CP: variants seen among roughly 807,000 people sequenced by gnomAD.
The protein encoded by CP is ceruloplasmin.
CP carries 64 observed loss-of-function variants against 122.4 expected under a neutral mutation model. The ratio of observed to expected loss-of-function variants is 0.52; its 90% CI spans 0.43 to 0.64. The LOEUF (loss-of-function observed/expected upper bound fraction) is 0.64, where lower values mean the gene tolerates loss of function less well. Among genes scored for constraint, CP ranks in the 30% least tolerant of loss-of-function variants. The pLI, the probability that CP is intolerant of heterozygous loss-of-function variation, is 0.00. For missense variants in CP, 1,167 were observed against 1,284.4 expected, an observed-to-expected ratio of 0.91 and a Z score of 1.40; for synonymous variants, 440 against 436.4, an observed-to-expected ratio of 1.01 and a Z score of -0.10.
chr3:149,212,659 T>G lies in CP; in HGVS notation c.186A>C (p.Arg62Ser). The stretch of plus-strand genomic sequence containing the variant: ...GGGCCTTCTTATATAGTCTCCCAAT[T>G]CTATCTGGGCCATTTTGAAGATAGA... ...SNIYLQNGPD[R>S]IGRLYKKALY... is the part of the protein sequence containing the mutation. Residue 62 changes from arginine to serine, a missense_variant, in exon 2 of 19, where the codon AGA becomes AGC. Around this residue, in one of 2 missense-constraint regions of CP, gnomAD observed 642 missense variants for 627.3 expected, o/e 1.02. Coordinates refer to ENST00000264613, the MANE Select transcript of CP (RefSeq NM_000096.4). The G allele has an allele frequency of 2.5e-6, 4 of 1,613,872 alleles. No individual in the cohort carries two copies. The highest frequency in any genetic ancestry group is 3.4e-6 in the Non-Finnish European group (4 of 1,179,944).
chr3:149,178,295 A>G (rs1219361082), intron 16 of CP, 120 bp downstream of exon 16: 2 of 780,138 alleles, frequency 2.6e-6, no homozygotes, highest in Non-Finnish European at 4.2e-6. Context: ...CCTGACATAC[A>G]AAGTGAGGCA....
At chr3:149,203,556 G>A (rs188900440) in intron 6 of CP, among the ~76,000 whole-genome samples, 64 of 152,326 alleles carry the variant, frequency 4.2e-4, no homozygotes, top group Non-Finnish European at 5.9e-5. Flanking sequence ...GAGCCACGGC[G>A]CTTGGCCAGG....
At chr3:149,177,641 T>G in intron 17 of CP, 199 bp downstream of exon 17, 1 of 643,010 alleles carries the variant, frequency 1.6e-6, no homozygotes, top group Non-Finnish European at 2.7e-6. Flanking sequence ...AAGTTTTGCT[T>G]TTTGGAACTT....
At chr3:149,199,673 T>TTG (rs757181223) in intron 8 of CP, 39 bp downstream of exon 8, 22 of 1,612,716 alleles carry the variant, frequency 1.4e-5, no homozygotes, top group African/African-American at 2.7e-5. Context: ...AGTGGGTTAT[T>TTG]AAACATTGTT....
Position 149,205,500 on chromosome 3 carries a change from A to T in CP, c.1208+668T>A, listed in dbSNP as rs149995896. Among the ~76,000 whole-genome samples the T allele has an allele frequency of 5.6e-4, 85 of 152,172 alleles. No homozygotes were observed. The East Asian group carries it at 0.012, about 21-fold the overall frequency. On this transcript the variant is annotated intron_variant, in intron 6 of 18. Transcript: ENST00000264613. Reference sequence around the variant, plus strand: ...AAAGGTGGAAATGACCCAAATGTTTATCAACAGATGAATGAATAAACAAAA... The same window carrying T: ...AAAGGTGGAAATGACCCAAATGTTTTTCAACAGATGAATGAATAAACAAAA...
At chr3:149,203,690 C>T (rs1005396371) in intron 6 of CP, among the ~76,000 whole-genome samples, 6 of 152,232 alleles carry the variant, frequency 3.9e-5, no homozygotes. Flanking sequence ...AAAGCCACCT[C>T]ATTCATCATT....
chr3:149,205,828 C>T (rs898623927), intron 6 of CP, among the ~76,000 whole-genome samples: 2 of 152,090 alleles, frequency 1.3e-5, no homozygotes, highest in African/African-American at 2.4e-5. Context: ...ATAGTGGTGA[C>T]GGCTATGCAA....
chr3:149,167,220 G>A lies in CP; in HGVS notation c.587-1170C>T, dbSNP rs765524486. 6 of 1,613,176 alleles carry A rather than the reference G, an allele frequency of 3.7e-6. No homozygotes were observed. In the South Asian group the frequency reaches 5.5e-5, roughly 15 times the overall value. ...GGCAGTCATTCCATATGCTAATCATGAACTGAAAGAAGAGAACCGGGTATG... is the reference window on the plus strand; with the variant it reads ...GGCAGTCATTCCATATGCTAATCATAAACTGAAAGAAGAGAACCGGGTATG... On this transcript the variant is annotated intron_variant, in intron 4 of 5. Coordinates refer to the CP transcript ENST00000479771.
intron 18 of CP, among the ~76,000 whole-genome samples, chr3:149,174,194 T>C (rs1465468055): frequency 2.6e-5 from 4 of 152,190 alleles, no homozygotes; most frequent in Admixed American, 1.3e-4. Flanking sequence ...TAAGGAATTA[T>C]TCAGAGTAAA....
rs145973629 is a variant in CP at position 149,212,595 on chromosome 3, T to C, written c.250A>G (p.Ile84Val). 1.9e-6 allele frequency: 3 copies of C among 1,613,972 alleles called. No individual in the cohort carries two copies. Among genetic ancestry groups the C allele is most frequent in the African/African-American group, 2.7e-5 (2 of 74,924 alleles). Residue 84 changes from isoleucine to valine, a missense_variant, in exon 2 of 19, where the codon ATA (isoleucine) becomes GTA (valine). Coordinates refer to ENST00000264613, the MANE Select transcript of CP (RefSeq NM_000096.4). ...QYTDETFRTT[I>V]EKPVWLGFLG... ...AACCCAAGCCAGACCGGTTTTTCTA[T>C]AGTTGTCCTAAAGGTTTCATCTGTG... is the stretch of plus-strand genomic sequence containing the variant.
chr3:149,199,386 TTC>T (rs1217982789), intron 8 of CP, among the ~76,000 whole-genome samples: 4 of 152,202 alleles, frequency 2.6e-5, no homozygotes, highest in Non-Finnish European at 4.4e-5. Flanking sequence ...TTTTCAAATA[TTC>T]TAAAGTGAAC....
Position 149,188,047 on chromosome 3 carries a change from C to CT in CP, c.1864+4dup. ...TGGTAGATTGGTGGATGATGCAGTA[C>CT]TTACAGTGCATTTTATTAGATTCCT... is the stretch of plus-strand genomic sequence containing the variant. On this transcript the variant is annotated splice_donor_region_variant and intron_variant, in intron 10 of 18. Coordinates refer to ENST00000264613, the MANE Select transcript of CP (RefSeq NM_000096.4). 1 of 1,611,610 alleles carries CT rather than the reference C, an allele frequency of 6.2e-7. No individual in the cohort carries two copies. The highest frequency in any genetic ancestry group is 2.2e-5 in the East Asian group (1 of 44,784).
chr3:149,202,138 C>A lies in CP; in HGVS notation c.1312G>T (p.Glu438Ter). Residue 438 changes from glutamate to a stop codon, truncating the protein, a stop_gained, in exon 7 of 19, where the codon GAG (glutamate) becomes TAG (stop). Coordinates refer to ENST00000264613, the MANE Select transcript of CP (RefSeq NM_000096.4). LOFTEE classifies it high-confidence loss of function. ...AGATGCTCTTCTTCAGGGCCTCTCTCCTTTCGATTTGTGAAGGAGGCATCT... is the reference window on the plus strand; with the variant it reads ...AGATGCTCTTCTTCAGGGCCTCTCTACTTTCGATTTGTGAAGGAGGCATCT... ...YTDASFTNRK[E>*]RGPEEEHLGI... is the part of the protein sequence containing the mutation. 1 of 1,614,146 alleles carries A rather than the reference C, an allele frequency of 6.2e-7. No homozygotes were observed. The highest frequency in any genetic ancestry group is 8.5e-7 in the Non-Finnish European group (1 of 1,180,020).
intron 12 of CP, among the ~76,000 whole-genome samples, chr3:149,184,009 A>C (rs1725964498): frequency 1.6e-5 from 2 of 124,992 alleles, no homozygotes; most frequent in Non-Finnish European, 1.7e-5. Flanking sequence ...TTTCCCAGGC[A>C]TTCCCTTTTC....
At chr3:149,199,091 A>G (rs1727115163) in intron 8 of CP, among the ~76,000 whole-genome samples, 1 of 152,224 alleles carries the variant, frequency 6.6e-6, no homozygotes, top group Admixed American at 6.5e-5. Context: ...AAGTGGTAGC[A>G]AAGTCACTAG....
intron 6 of CP, among the ~76,000 whole-genome samples, chr3:149,203,801 G>C (rs1477721905): frequency 6.6e-6 from 1 of 152,112 alleles, no homozygotes. Flanking sequence ...CCTTGTCCAC[G>C]TGGACCTTAC....
chr3:149,211,968 T>C (rs1383619705), intron 2 of CP, among the ~76,000 whole-genome samples: 1 of 152,046 alleles, frequency 6.6e-6, no homozygotes, highest in East Asian at 1.9e-4. Context: ...AAGAGAAACA[T>C]GCCATTATTA....
At chr3:149,203,784 G>A (rs1727511758) in intron 6 of CP, among the ~76,000 whole-genome samples, 1 of 152,140 alleles carries the variant, frequency 6.6e-6, no homozygotes. Flanking sequence ...AAGCAAGGTG[G>A]ACTCTTCCTT....
At chr3:149,195,797 T>C (rs113706515) in intron 9 of CP, among the ~76,000 whole-genome samples, 10,251 of 145,064 alleles carry the variant, frequency 0.071, 1,179 homozygotes, top group African/African-American at 0.25. Flanking sequence ...ACCCAGGAGG[T>C]GGGGCTTGCA....
Sources: allele counts gnomAD v4.1 joint callset (sites outside exome capture counted in the v4.1 genomes callset), GRCh38; gene constraint gnomAD v4.1.1; regional missense constraint gnomAD v4.1.1; transcripts MANE v1.5; gene names NCBI Gene and HGNC (gene_info 2026-07-23, HGNC 2026-07-21).